The following MRTFB variants were observed in gnomAD, a reference collection of about 807,000 sequenced individuals.
The protein encoded by MRTFB is myocardin-related transcription factor B.
A neutral mutation model predicts 104.2 loss-of-function variants in MRTFB; 29 were observed. The observed-to-expected ratio is 0.28, with a 90% CI of 0.21 to 0.38. MRTFB has a LOEUF of 0.38. Among genes scored for constraint, MRTFB ranks in the 10% least tolerant of loss-of-function variants. The pLI is 1.00. For missense variants in MRTFB, 1,270 were observed against 1,341.6 expected (o/e 0.95, Z 0.83); for synonymous variants, 535 against 519.5 (o/e 1.03, Z -0.41).
chr16:14,105,400 T>C (rs568452628), intron 2 of MRTFB, among the ~76,000 whole-genome samples: 1 of 149,872 alleles, frequency 6.7e-6, no homozygotes, highest in African/African-American at 2.4e-5. Context: ...CCTTCTCTTA[T>C]GATTTTTTTT....
the MRTFB span, chr16:14,020,267 T>G: frequency 6.6e-6 from 1 of 150,536 alleles, no homozygotes; most frequent in Middle Eastern, 3.2e-3. Flanking sequence ...TCTTCCATCC[T>G]GCTCTACACC....
the MRTFB span, among the ~76,000 whole-genome samples, chr16:14,008,072 A>G: frequency 1.3e-5 from 2 of 152,260 alleles, no homozygotes; most frequent in Admixed American, 6.5e-5. Flanking sequence ...TTTCCATTTT[A>G]AAGTCCAATT....
chr16:14,065,068 T>C, the MRTFB span, among the ~76,000 whole-genome samples: 1 of 152,228 alleles, frequency 6.6e-6, no homozygotes, highest in Non-Finnish European at 1.5e-5. Flanking sequence ...ATTTTAACAA[T>C]ATTGATTCTT....
chr16:14,045,019 C>G, the MRTFB span, among the ~76,000 whole-genome samples: 1 of 152,172 alleles, frequency 6.6e-6, no homozygotes, highest in Non-Finnish European at 1.5e-5. Context: ...CATCTGGGGT[C>G]TGGTTGCCAT....
At chr16:14,234,794 C>G (rs2042421840) in intron 9 of MRTFB, among the ~76,000 whole-genome samples, 1 of 151,928 alleles carries the variant, frequency 6.6e-6, no homozygotes, top group Admixed American at 6.6e-5. Flanking sequence ...GACCCTGTCT[C>G]TTTAAAAAAA....
intron 8 of MRTFB, among the ~76,000 whole-genome samples, chr16:14,233,781 CAAAAAAA>C (rs1007606658): frequency 6.0e-5 from 3 of 50,002 alleles, no homozygotes; most frequent in East Asian, 6.3e-4. Context: ...GACTCCCTCT[CAAAAAAA>C]AAAAAAAAAA....
chr16:14,086,177 A>C (rs1052476912), intron 2 of MRTFB, among the ~76,000 whole-genome samples: 2 of 152,222 alleles, frequency 1.3e-5, no homozygotes, highest in Non-Finnish European at 2.9e-5. Context: ...TTTGAGAAGA[A>C]TGTATAATAA....
chr16:14,081,965 G>A (rs952894790), intron 2 of MRTFB, among the ~76,000 whole-genome samples: 2 of 152,152 alleles, frequency 1.3e-5, no homozygotes, highest in African/African-American at 4.8e-5. Flanking sequence ...TGTATAGTTT[G>A]CAGATATTTT....
intron 4 of MRTFB, among the ~76,000 whole-genome samples, chr16:14,211,621 G>A (rs2041192943): frequency 6.6e-6 from 1 of 152,134 alleles, no homozygotes; most frequent in South Asian, 2.1e-4. Flanking sequence ...ACGGTTGTAG[G>A]TGACGATTTG....
At chr16:14,032,122 T>C in the MRTFB span, among the ~76,000 whole-genome samples, 1 of 152,184 alleles carries the variant, frequency 6.6e-6, no homozygotes, top group African/African-American at 2.4e-5. Context: ...AGGTGACTTT[T>C]GAAAAGGCTA....
intron 8 of MRTFB, among the ~76,000 whole-genome samples, chr16:14,229,070 A>G (rs887480679): frequency 6.6e-6 from 1 of 152,182 alleles, no homozygotes; most frequent in African/African-American, 2.4e-5. Flanking sequence ...ATTTTGTGTT[A>G]TATACATTTT....
intron 8 of MRTFB, 44 bp downstream of exon 8, chr16:14,219,042 T>G (rs776863786): frequency 1.3e-6 from 2 of 1,522,080 alleles, no homozygotes; most frequent in Non-Finnish European, 1.8e-6. Context: ...GAAAATGCCT[T>G]GTTTTTTTTT....
At chr16:13,995,049 A>C in the MRTFB span, among the ~76,000 whole-genome samples, 1 of 150,864 alleles carries the variant, frequency 6.6e-6, no homozygotes, top group Non-Finnish European at 1.5e-5. Flanking sequence ...TTGGTTTTGG[A>C]TTGGTGATTG....
At chr16:14,094,203 G>C (rs1246347949) in intron 2 of MRTFB, among the ~76,000 whole-genome samples, 1 of 152,038 alleles carries the variant, frequency 6.6e-6, no homozygotes, top group East Asian at 1.9e-4. Context: ...ATTGCTTTCA[G>C]GTATACAGTA....
intron 3 of MRTFB, among the ~76,000 whole-genome samples, chr16:14,202,245 C>G (rs1011076734): frequency 5.9e-5 from 9 of 152,086 alleles, no homozygotes; most frequent in Non-Finnish European, 8.8e-5. Flanking sequence ...GGACAATTCA[C>G]AAGACATCTT....
intron 8 of MRTFB, among the ~76,000 whole-genome samples, chr16:14,232,546 C>A (rs899007684): frequency 6.6e-6 from 1 of 152,162 alleles, no homozygotes; most frequent in African/African-American, 2.4e-5. Flanking sequence ...TTGAATGCAG[C>A]CATCTTTCAA....
intron 10 of MRTFB, among the ~76,000 whole-genome samples, chr16:14,241,727 A>G (rs2042774767): frequency 6.6e-6 from 1 of 152,118 alleles, no homozygotes; most frequent in African/African-American, 2.4e-5. Flanking sequence ...TTCAGACCTG[A>G]TTGTGAAGTA....
chr16:14,167,379 G>A (rs1019500306), intron 3 of MRTFB, among the ~76,000 whole-genome samples: 1 of 150,996 alleles, frequency 6.6e-6, no homozygotes, highest in Non-Finnish European at 1.5e-5. Flanking sequence ...AAATTTGTTT[G>A]AGTTTCTTGT....
At chr16:14,099,344 A>T (rs1463605214) in intron 2 of MRTFB, among the ~76,000 whole-genome samples, 1 of 150,432 alleles carries the variant, frequency 6.6e-6, no homozygotes, top group African/African-American at 2.4e-5. Flanking sequence ...AGTATTTTTT[A>T]AATTTTCAAT....
Sources: gnomAD v4.1 joint callset for allele counts (sites outside exome capture counted in the v4.1 genomes callset) on GRCh38, gnomAD v4.1.1 for gene constraint, MANE v1.5 for transcripts, NCBI Gene and HGNC (gene_info 2026-07-23, HGNC 2026-07-21) for gene names.